COL6A1: variants seen among roughly 807,000 people sequenced by gnomAD.
COL6A1 encodes collagen type VI alpha 1 chain.
Under a neutral mutation model 145.6 loss-of-function variants are expected in COL6A1, and 80 were observed. That is an observed-to-expected ratio of 0.55 (90% CI 0.46 to 0.66). COL6A1 has a LOEUF of 0.66. Ranked by LOEUF, COL6A1 falls within the 30% of genes least tolerant of loss-of-function variation. The probability of loss-of-function intolerance (pLI) is 0.00; values close to 1 mark genes in which losing one functional copy is unlikely to be tolerated. For missense variants in COL6A1, 1,364 were observed against 1,473.8 expected, an observed-to-expected ratio of 0.93 and a Z score of 1.22; for synonymous variants, 638 against 622.8, an observed-to-expected ratio of 1.02 and a Z score of -0.36.
rs993786855 is a variant in COL6A1, at chr21:45,998,239, T to G, written c.1575+68T>G. On this transcript the variant is annotated intron_variant, in intron 23 of 34. Transcript: ENST00000361866. ...GCCTGCGGCGCCCTCTTTAGTGGAC[T>G]GGGCACTCTTGGGTGGGCGGGCTGG... The G allele has an allele frequency of 1.9e-6, 3 of 1,587,302 alleles. No individual in the cohort carries two copies. In the Admixed American group the frequency reaches 5.2e-5, roughly 28 times the overall value.
At chr21:45,998,571 C>A in intron 24 of COL6A1, 138 bp downstream of exon 24, 2 of 1,195,396 alleles carry the variant, frequency 1.7e-6, no homozygotes, top group South Asian at 1.4e-5. Flanking sequence ...GGCTGCCCCA[C>A]TGTCTGTGGC....
At chr21:45,996,872 AGGTGCAGGTG>A (rs1162361504) in intron 20 of COL6A1, among the ~76,000 whole-genome samples, 1 of 152,168 alleles carries the variant, frequency 6.6e-6, no homozygotes, top group East Asian at 1.9e-4. Flanking sequence ...AGGCAGCCTC[AGGTGCAGGTG>A]GGGGCAGGGT....
chr21:45,989,591 C>T lies in COL6A1; in HGVS notation c.859-17C>T, dbSNP rs1271883857. 9 of 1,612,474 alleles carry T rather than the reference C, an allele frequency of 5.6e-6. No individual in the cohort carries two copies. The highest frequency in any genetic ancestry group is 7.6e-6 in the Non-Finnish European group (9 of 1,179,864). On this transcript the variant is annotated splice_polypyrimidine_tract_variant and intron_variant, in intron 9 of 34. Coordinates refer to ENST00000361866, the MANE Select transcript of COL6A1 (RefSeq NM_001848.3). The stretch of plus-strand genomic sequence containing the variant: ...TGCTCCTCCGGGGGTGTCTCACCAT[C>T]TCCTCCTGTGTTCCAGGGAAGACCC...
chr21:46,003,499 G>A lies in COL6A1; in HGVS notation c.2573G>A (p.Arg858His), dbSNP rs537763400. ...CGCTTCGCCAAGCGCCTGGCCGAGC[G>A]CTTCCTCACAGCGGGCAGGACGGAC... Reference protein sequence around the residue: ...TKRFAKRLAERFLTAGRTDPA... With the variant: ...TKRFAKRLAEHFLTAGRTDPA... Residue 858 changes from arginine to histidine, a missense_variant, in exon 35 of 35, where the codon CGC (arginine) becomes CAC (histidine). Physicochemically the swap from Arg to His is conservative, Grantham distance 29 (BLOSUM62 0). Around this residue, in one of 3 missense-constraint regions of COL6A1, gnomAD observed 938 missense variants for 1,003.8 expected, o/e 0.93. Transcript: ENST00000361866. 1.5e-5 allele frequency: 24 copies of A among 1,611,102 alleles called. No homozygotes were observed. The African/African-American group carries it at 1.7e-4, about 12-fold the overall frequency.
At chr21:45,996,193 C>T (rs965331880) in intron 20 of COL6A1, among the ~76,000 whole-genome samples, 21 of 152,262 alleles carry the variant, frequency 1.4e-4, no homozygotes, top group African/African-American at 4.6e-4. Flanking sequence ...GCACAGAGAC[C>T]TCCTTTCCAT....
Position 46,004,539 on chromosome 21 carries a change from C to T in COL6A1, c.*526C>T, listed in dbSNP as rs866939049. The T allele has an allele frequency of 1.4e-4, 45 of 318,296 alleles. No homozygotes were observed. Among genetic ancestry groups the T allele is most frequent in the African/African-American group, 7.4e-4 (34 of 45,820 alleles). 19.7% of individuals were successfully genotyped at this position (318,296 alleles called of 1,614,324 possible). ...CCCACCAATCCTCACCTAACAGTTA[C>T]TTTACAATTAAACTCAAAGCAAGCT... is the stretch of plus-strand genomic sequence containing the variant. On this transcript the variant is annotated 3_prime_UTR_variant, in exon 35 of 35. Coordinates refer to ENST00000361866, the MANE Select transcript of COL6A1 (RefSeq NM_001848.3).
intron 2 of COL6A1, 42 bp downstream of exon 2, chr21:45,982,805 C>T: frequency 6.2e-7 from 1 of 1,606,704 alleles, no homozygotes; most frequent in South Asian, 1.1e-5. Flanking sequence ...TGCTTCTGGG[C>T]CTCTTGGAGG....
chr21:45,985,205 CAG>C (rs2077732299), intron 3 of COL6A1, among the ~76,000 whole-genome samples: 1 of 148,512 alleles, frequency 6.7e-6, no homozygotes, highest in Admixed American at 6.7e-5. Flanking sequence ...CAGAGACAGA[CAG>C]AGGCAGAGAG....
chr21:45,994,763 T>C lies in COL6A1; in HGVS notation c.1398+534T>C, dbSNP rs1162915966. On this transcript the variant is annotated intron_variant, in intron 20 of 34. Transcript: ENST00000361866. The surrounding 1 kb of genome is among the most constrained non-coding windows in gnomAD (Gnocchi z 6.8). Reference sequence around the variant, plus strand: ...GCACGGCTTTCTGTCTCTTCCCCCATTCTGATGACTGCCATGATGGTGGCT... The same window carrying C: ...GCACGGCTTTCTGTCTCTTCCCCCACTCTGATGACTGCCATGATGGTGGCT... 6.6e-6 allele frequency among the ~76,000 whole-genome samples: 1 copy of C among 152,222 alleles called. No individual in the cohort carries two copies. The highest frequency in any genetic ancestry group is 2.4e-5 in the African/African-American group (1 of 41,462).
rs35059000 is a variant in COL6A1 at position 45,992,791 on chromosome 21, G to A, written c.1316G>A (p.Arg439Gln). 1.4e-3 allele frequency: 2,287 copies of A among 1,600,852 alleles called. 25 individuals carry two copies. The African/African-American group carries it at 0.025, about 17-fold the overall frequency. Residue 439 changes from arginine to glutamine, a missense_variant, in exon 19 of 35, where the codon CGG becomes CAG. Transcript: ENST00000361866. ...GGACCACGGGGGACCCCAGGCACGC[G>A]GGGACCAAGAGGAGACCCTGTGAGT... ...ERGPRGTPGT[R>Q]GPRGDPGEAG... is the part of the protein sequence containing the mutation.
intron 21 of COL6A1, 91 bp from the exon 22 acceptor site, chr21:45,997,609 A>C (rs2077813130): frequency 1.3e-6 from 2 of 1,538,480 alleles, no homozygotes; most frequent in Non-Finnish European, 1.8e-6. Context: ...CTGGCTCCCG[A>C]TGGGACCTCT....
rs148152790 is a variant in COL6A1 at position 45,993,412 on chromosome 21, G to A, written c.1335+602G>A. 5.4e-3 allele frequency among the ~76,000 whole-genome samples: 827 copies of A among 152,318 alleles called. 5 individuals are homozygous for A. The highest frequency in any genetic ancestry group is 0.018 in the African/African-American group (757 of 41,568). On this transcript the variant is annotated intron_variant, in intron 19 of 34. Transcript: ENST00000361866. ...GACTCCGGGCGTCTCAGTCCCATCC[G>A]GCTCAGGGAGAGCCAGGGCCTGGCG...
chr21:46,004,380 C>A lies in COL6A1; in HGVS notation c.*367C>A, dbSNP rs546403892. 2.0e-4 allele frequency: 76 copies of A among 379,690 alleles called. No individual in the cohort carries two copies. The highest frequency in any genetic ancestry group is 3.4e-4 in the Non-Finnish European group (69 of 202,240). 23.5% of individuals were successfully genotyped at this position (379,690 alleles called of 1,614,324 possible). On this transcript the variant is annotated 3_prime_UTR_variant, in exon 35 of 35. Transcript: ENST00000361866. Reference sequence around the variant, plus strand: ...CGGGCTCTCCTGCCCTGCCCTCCTGCCCGCCCTCCCTCCTGCCTGCGCAGC... The same window carrying A: ...CGGGCTCTCCTGCCCTGCCCTCCTGACCGCCCTCCCTCCTGCCTGCGCAGC...
chr21:45,984,229 G>T (rs1168131242), intron 2 of COL6A1, 40 bp from the exon 3 acceptor site: 2 of 1,565,088 alleles, frequency 1.3e-6, no homozygotes, highest in Admixed American at 1.9e-5. Context: ...ATGGCGCCAG[G>T]GGCCGCCCGC....
chr21:45,983,321 C>T (rs951517562), intron 2 of COL6A1, among the ~76,000 whole-genome samples: 11 of 151,652 alleles, frequency 7.3e-5, no homozygotes, highest in African/African-American at 2.7e-4. Context: ...CTCCACGTTC[C>T]TCCATCTGTG....
chr21:45,991,907 A>T, intron 15 of COL6A1, 103 bp from the exon 16 acceptor site: 1 of 1,119,052 alleles, frequency 8.9e-7, no homozygotes, highest in Non-Finnish European at 1.3e-6. Context: ...GGTCAGAGGG[A>T]GTGGCCTGAA....
Position 45,996,697 on chromosome 21 carries a change from C to T in COL6A1, c.1399-724C>T, listed in dbSNP as rs918271390. On this transcript the variant is annotated intron_variant, in intron 20 of 34. Coordinates refer to ENST00000361866, the MANE Select transcript of COL6A1 (RefSeq NM_001848.3). ...CGGCTCCCTTCTTGGCTCAGCTGGG[C>T]GCGCTGGGAAGTGCTTGGGGTGCCT... Among the ~76,000 whole-genome samples the T allele has an allele frequency of 5.3e-5, 8 of 152,140 alleles. No individual in the cohort carries two copies. The East Asian group carries it at 7.7e-4, about 15-fold the overall frequency.
intron 15 of COL6A1, 108 bp downstream of exon 15, chr21:45,991,149 G>A (rs567433737): frequency 1.7e-4 from 216 of 1,278,756 alleles, no homozygotes; most frequent in South Asian, 2.5e-4. Flanking sequence ...TCGGCCACCC[G>A]TGCGGCCTCA....
intron 20 of COL6A1, among the ~76,000 whole-genome samples, chr21:45,996,011 C>T (rs911755705): frequency 1.3e-5 from 2 of 152,248 alleles, no homozygotes; most frequent in Non-Finnish European, 1.5e-5. Flanking sequence ...CAGCATGGGG[C>T]TCTCCCTGTG....
Sources: allele counts gnomAD v4.1 joint callset (sites outside exome capture counted in the v4.1 genomes callset), GRCh38; gene constraint gnomAD v4.1.1; regional missense constraint gnomAD v4.1.1; non-coding constraint Gnocchi (gnomAD v3.1); transcripts MANE v1.5; gene names NCBI Gene and HGNC (gene_info 2026-07-23, HGNC 2026-07-21).